The following PDE8B variants were observed in gnomAD, a reference collection of about 807,000 sequenced individuals.
PDE8B encodes the protein phosphodiesterase 8B.
PDE8B carries 26 observed loss-of-function variants against 101.3 expected under a neutral mutation model. The observed-to-expected ratio is 0.26, with a 90% CI of 0.19 to 0.36. The LOEUF is 0.36. PDE8B is among the 10% of genes least tolerant of loss of function. The pLI is 1.00. For missense variants in PDE8B, 810 were observed against 1,163.1 expected, an observed-to-expected ratio of 0.70 and a Z score of 4.42; for synonymous variants, 424 against 429.3, an observed-to-expected ratio of 0.99 and a Z score of 0.15.
At chr5:77,294,864 GATAT>G in intron 1 of PDE8B, among the ~76,000 whole-genome samples, 1 of 147,866 alleles carries the variant, frequency 6.8e-6, no homozygotes. Context: ...ATATATATAT[GATAT>G]ATATAATATA....
the PDE8B span, among the ~76,000 whole-genome samples, chr5:77,127,003 G>T: frequency 2.0e-5 from 3 of 152,208 alleles, no homozygotes; most frequent in East Asian, 5.8e-4. Flanking sequence ...AGGTATCCTT[G>T]CCAGGACACT....
chr5:77,168,013 C>T, the PDE8B span, among the ~76,000 whole-genome samples: 1 of 152,134 alleles, frequency 6.6e-6, no homozygotes, highest in Non-Finnish European at 1.5e-5. Context: ...GTCAAGCTAG[C>T]CTTTCATTTT....
the PDE8B span, among the ~76,000 whole-genome samples, chr5:77,173,219 A>C: frequency 2.2e-3 from 339 of 152,334 alleles, 1 homozygote; most frequent in African/African-American, 7.4e-3. Context: ...GACAAATCTG[A>C]CTGCTGAATA....
intron 10 of PDE8B, among the ~76,000 whole-genome samples, chr5:77,364,289 C>T (rs1029198196): frequency 1.3e-5 from 2 of 152,204 alleles, no homozygotes; most frequent in African/African-American, 4.8e-5. Flanking sequence ...GCACCTAAAA[C>T]CCAGCCATTG....
chr5:77,382,997 C>A (rs1435667349), intron 10 of PDE8B, among the ~76,000 whole-genome samples: 1 of 152,172 alleles, frequency 6.6e-6, no homozygotes, highest in Non-Finnish European at 1.5e-5. Context: ...GTTCTAGATC[C>A]TTGAGGAATC....
the PDE8B span, among the ~76,000 whole-genome samples, chr5:77,108,673 ACT>A: frequency 6.6e-6 from 1 of 152,140 alleles, no homozygotes; most frequent in East Asian, 1.9e-4. Context: ...ACAAAGCGAG[ACT>A]CTGTCTCAAA....
At chr5:77,380,840 G>A (rs1005696944) in intron 10 of PDE8B, among the ~76,000 whole-genome samples, 2 of 152,228 alleles carry the variant, frequency 1.3e-5, no homozygotes, top group African/African-American at 4.8e-5. Flanking sequence ...GACCTTATAA[G>A]GGAGTAGGAT....
the PDE8B span, among the ~76,000 whole-genome samples, chr5:77,175,918 T>C: frequency 6.6e-5 from 10 of 152,150 alleles, no homozygotes; most frequent in Admixed American, 6.5e-4. Context: ...ACATCTTCAA[T>C]CTTTGAAGAA....
chr5:77,372,828 A>G (rs1785296714), intron 10 of PDE8B, among the ~76,000 whole-genome samples: 1 of 152,088 alleles, frequency 6.6e-6, no homozygotes, highest in Non-Finnish European at 1.5e-5. Flanking sequence ...GGAGTTTGAG[A>G]CTCAGCCTGA....
chr5:77,178,888 G>C, the PDE8B span, among the ~76,000 whole-genome samples: 1 of 152,228 alleles, frequency 6.6e-6, no homozygotes, highest in East Asian at 1.9e-4. Context: ...TCCCTGCCGG[G>C]TGGGCCTCCC....
chr5:77,410,175 A>C (rs1397300169), intron 14 of PDE8B, among the ~76,000 whole-genome samples: 1 of 152,246 alleles, frequency 6.6e-6, no homozygotes, highest in African/African-American at 2.4e-5. Context: ...AGCAACTTCT[A>C]TTGAAGCAGC....
intron 2 of PDE8B, among the ~76,000 whole-genome samples, chr5:77,319,136 G>A (rs1774463000): frequency 6.6e-6 from 1 of 152,118 alleles, no homozygotes; most frequent in Non-Finnish European, 1.5e-5. Flanking sequence ...CTTTGTACAG[G>A]TCCAATGTGC....
At chr5:77,182,717 T>C in the PDE8B span, among the ~76,000 whole-genome samples, 2 of 152,168 alleles carry the variant, frequency 1.3e-5, no homozygotes, top group South Asian at 4.1e-4. Context: ...TATTAAATAT[T>C]GGATGCCTAA....
intron 1 of PDE8B, among the ~76,000 whole-genome samples, chr5:77,234,421 C>A (rs746294687): frequency 6.6e-6 from 1 of 152,144 alleles, no homozygotes; most frequent in African/African-American, 2.4e-5. Context: ...AAGGGGCCCT[C>A]CTCCCCTCGT....
At chr5:77,150,696 A>G in the PDE8B span, among the ~76,000 whole-genome samples, 1 of 152,224 alleles carries the variant, frequency 6.6e-6, no homozygotes, top group Admixed American at 6.5e-5. Flanking sequence ...AAGTAATCAG[A>G]TATAAGAGGA....
chr5:77,098,355 C>G, the PDE8B span, among the ~76,000 whole-genome samples: 27 of 151,886 alleles, frequency 1.8e-4, no homozygotes, highest in African/African-American at 6.5e-4. Flanking sequence ...ATAATCATGG[C>G]TCACTTCAGC....
At chr5:77,101,102 T>A in the PDE8B span, among the ~76,000 whole-genome samples, 2 of 149,036 alleles carry the variant, frequency 1.3e-5, no homozygotes, top group African/African-American at 4.9e-5. Flanking sequence ...CCCTAGCAGG[T>A]GGGACCACAG....
chr5:77,238,591 C>T (rs6887282), intron 1 of PDE8B, among the ~76,000 whole-genome samples: 23,651 of 152,132 alleles, frequency 0.16, 2,006 homozygotes, highest in Admixed American at 0.22. Flanking sequence ...TTCATAGAAA[C>T]AGAACCAATA....
At chr5:77,157,600 G>A in the PDE8B span, among the ~76,000 whole-genome samples, 1 of 152,148 alleles carries the variant, frequency 6.6e-6, no homozygotes, top group African/African-American at 2.4e-5. Flanking sequence ...TGTGGATAGA[G>A]GACACACTCT....
Sources: allele counts gnomAD v4.1 joint callset (sites outside exome capture counted in the v4.1 genomes callset), GRCh38; gene constraint gnomAD v4.1.1; transcripts MANE v1.5; gene names NCBI Gene and HGNC (gene_info 2026-07-23, HGNC 2026-07-21).